FOXR1: variants seen among roughly 807,000 people sequenced by gnomAD.
The protein encoded by FOXR1 is forkhead box protein R1.
FOXR1 carries 25 observed loss-of-function variants against 34.5 expected under a neutral mutation model. That is an observed-to-expected ratio of 0.72 (90% CI 0.53 to 1.01). FOXR1 has a LOEUF of 1.01. FOXR1 is among the 50% of genes least tolerant of loss of function. The pLI is 0.00. For missense variants in FOXR1, 373 were observed against 376.2 expected (o/e 0.99, Z 0.07); for synonymous variants, 153 against 141.6 (o/e 1.08, Z -0.57).
chr11:118,971,846 C>G lies in FOXR1; in HGVS notation c.-86C>G. 1.4e-6 allele frequency: 2 copies of G among 1,460,714 alleles called. No homozygotes were observed. Among genetic ancestry groups the G allele is most frequent in the South Asian group, 2.4e-5 (2 of 82,234 alleles). The allele number at this position is 1,460,714 out of a possible 1,614,324, so 90.5% of individuals were successfully genotyped here. On this transcript the variant is annotated 5_prime_UTR_variant, in exon 1 of 6. Transcript: ENST00000317011. ...CCACTCCGCGCCGCCGCGCCTCTGCCAGCCCCGAAGGTGGACGTGAAGCTC... is the reference window on the plus strand; with the variant it reads ...CCACTCCGCGCCGCCGCGCCTCTGCGAGCCCCGAAGGTGGACGTGAAGCTC...
At chr11:118,980,797 G>GGAA in intron 5 of FOXR1, 69 bp downstream of exon 5, 33 of 1,447,922 alleles carry the variant, frequency 2.3e-5, no homozygotes, top group Non-Finnish European at 3.1e-5. Flanking sequence ...GGCCAAGTGT[G>GGAA]GAAGCCTGGG....
chr11:118,979,370 C>T, intron 3 of FOXR1, 72 bp from the exon 4 acceptor site: 1 of 1,485,000 alleles, frequency 6.7e-7, no homozygotes, highest in Non-Finnish European at 9.0e-7. Flanking sequence ...TAGACCACCC[C>T]CCCTTCCTGC....
chr11:118,973,961 G>C (rs554302339), intron 1 of FOXR1, among the ~76,000 whole-genome samples: 2 of 152,218 alleles, frequency 1.3e-5, no homozygotes, highest in African/African-American at 4.8e-5. Flanking sequence ...GCCTCCTAAA[G>C]TGCTGGGATT....
chr11:118,973,023 T>G (rs1264822173), intron 1 of FOXR1, among the ~76,000 whole-genome samples: 1 of 152,234 alleles, frequency 6.6e-6, no homozygotes, highest in East Asian at 1.9e-4. Context: ...GGTTGCTAAA[T>G]TCAGACCTGA....
intron 1 of FOXR1, among the ~76,000 whole-genome samples, chr11:118,972,687 A>G (rs566802857): frequency 2.5e-4 from 38 of 150,698 alleles, no homozygotes; most frequent in African/African-American, 9.3e-4. Flanking sequence ...CAGTGGCGCG[A>G]TCTCGGCTCA....
At position 118,971,835 on chromosome 11, in the gene FOXR1, C is replaced by T; in HGVS notation, c.-97C>T. The T allele has an allele frequency of 7.3e-7, 1 of 1,377,968 alleles. No homozygotes were observed. The highest frequency in any genetic ancestry group is 1.0e-6 in the Non-Finnish European group (1 of 995,188). The allele number at this position is 1,377,968 out of a possible 1,614,324, so 85.4% of individuals were successfully genotyped here. ...ACTCCGCGTCCCCACTCCGCGCCGCCGCGCCTCTGCCAGCCCCGAAGGTGG... is the reference window on the plus strand; with the variant it reads ...ACTCCGCGTCCCCACTCCGCGCCGCTGCGCCTCTGCCAGCCCCGAAGGTGG... On this transcript the variant is annotated 5_prime_UTR_variant, in exon 1 of 6. Transcript: ENST00000317011.
Position 118,971,854 on chromosome 11 carries a change from A to T in FOXR1, c.-78A>T. On this transcript the variant is annotated 5_prime_UTR_variant, in exon 1 of 6. Coordinates refer to ENST00000317011, the MANE Select transcript of FOXR1 (RefSeq NM_181721.3). ...CGCCGCCGCGCCTCTGCCAGCCCCG[A>T]AGGTGGACGTGAAGCTCCAACACCT... The T allele has an allele frequency of 4.0e-6, 6 of 1,488,078 alleles. No homozygotes were observed. The highest frequency in any genetic ancestry group is 5.5e-6 in the Non-Finnish European group (6 of 1,092,114). 92.2% of individuals were successfully genotyped at this position (1,488,078 alleles called of 1,614,324 possible). A position where few individuals can be genotyped will look rare whatever the true frequency, so the allele number is the denominator to read the frequency against.
intron 5 of FOXR1, 75 bp from the exon 6 acceptor site, chr11:118,981,133 T>C (rs1941857095): frequency 1.0e-5 from 15 of 1,444,398 alleles, no homozygotes; most frequent in Non-Finnish European, 1.4e-5. Context: ...GATGACCTGC[T>C]ATGAGAGAGC....
Position 118,981,224 on chromosome 11 carries a change from CT to C in FOXR1, c.870del (p.Phe290LeufsTer?). On this transcript the variant is annotated frameshift_variant, in exon 6 of 6. Coordinates refer to ENST00000317011, the MANE Select transcript of FOXR1 (RefSeq NM_181721.3). LOFTEE classifies it high-confidence loss of function. ...MSQPDVMPFLFDL is the reference protein window; with the variant it reads ...MSQPDVMPFLXDL Reference sequence around the variant, plus strand: ...TTCTTACAGATGTGATGCCCTTCCTCTTTGATCTTTAACCCCAAGAAGCAAC... The same window carrying C: ...TTCTTACAGATGTGATGCCCTTCCTCTTGATCTTTAACCCCAAGAAGCAAC... The C allele has an allele frequency of 1.9e-6, 3 of 1,614,136 alleles. No homozygotes were observed. The highest frequency in any genetic ancestry group is 2.5e-6 in the Non-Finnish European group (3 of 1,179,996).
At chr11:118,980,813 C>A in intron 5 of FOXR1, 85 bp downstream of exon 5, 1 of 1,296,356 alleles carries the variant, frequency 7.7e-7, no homozygotes, top group South Asian at 1.4e-5. Flanking sequence ...CTGGGTCACA[C>A]CGTGGGGGTG....
At position 118,978,870 on chromosome 11, in the gene FOXR1, T is replaced by C. The variant is rs782066011; in HGVS notation, c.136+14T>C. On this transcript the variant is annotated intron_variant, in intron 2 of 5. Transcript: ENST00000317011. The stretch of plus-strand genomic sequence containing the variant: ...CTGATAAGGATGGTACGTATTGAGT[T>C]CTCTGACCTGTTTCTGTGGCCTGGG... The C allele has an allele frequency of 1.8e-5, 29 of 1,614,082 alleles. No individual in the cohort carries two copies. The highest frequency in any genetic ancestry group is 1.6e-4 in the Middle Eastern group (1 of 6,084).
intron 1 of FOXR1, among the ~76,000 whole-genome samples, chr11:118,972,539 C>G (rs901566999): frequency 6.6e-6 from 1 of 151,954 alleles, no homozygotes; most frequent in Non-Finnish European, 1.5e-5. Flanking sequence ...CTTTGGACGT[C>G]AAGTGTGGAG....
rs1192787640 is a variant in FOXR1 at position 118,971,817 on chromosome 11, G to A, written c.-115G>A. ...CTCAGCCGCCGCGCTCCCACTCCGC[G>A]TCCCCACTCCGCGCCGCCGCGCCTC... On this transcript the variant is annotated 5_prime_UTR_variant, in exon 1 of 6. Coordinates refer to ENST00000317011, the MANE Select transcript of FOXR1 (RefSeq NM_181721.3). 8.6e-7 allele frequency: 1 copy of A among 1,157,248 alleles called. No individual in the cohort carries two copies. Among genetic ancestry groups the A allele is most frequent in the Middle Eastern group, 1.9e-4 (1 of 5,224 alleles). 71.7% of individuals were successfully genotyped at this position (1,157,248 alleles called of 1,614,324 possible). A position where few individuals can be genotyped will look rare whatever the true frequency, so the allele number is the denominator to read the frequency against.
chr11:118,978,896 C>T (rs1447259632), intron 2 of FOXR1, 40 bp downstream of exon 2: 1 of 1,614,066 alleles, frequency 6.2e-7, no homozygotes, highest in African/African-American at 1.3e-5. Flanking sequence ...GTGGCCTGGG[C>T]TGGAGACCAG....
At position 118,980,664 on chromosome 11, in the gene FOXR1, G is replaced by A. The variant is rs188411182; in HGVS notation, c.786G>A (p.Ala262=). The part of the protein sequence containing the change: ...KLTEEGHRRF[A]EEARALASTR... ...CCGAGGAGGGACACCGCCGCTTTGC[G>A]GAGGAGGCCCGCGCCTTGGCTTCCA... The change falls in exon 5 of 6, where the codon GCG becomes GCA. Residue 262 remains alanine, a synonymous_variant. Coordinates refer to ENST00000317011, the MANE Select transcript of FOXR1 (RefSeq NM_181721.3). 147 of 1,613,870 alleles carry A rather than the reference G, an allele frequency of 9.1e-5. No homozygotes were observed. The East Asian group carries it at 1.6e-3, about 17-fold the overall frequency.
intron 1 of FOXR1, among the ~76,000 whole-genome samples, chr11:118,978,369 A>C (rs922184373): frequency 1.3e-5 from 2 of 152,110 alleles, no homozygotes; most frequent in African/African-American, 4.8e-5. Flanking sequence ...AAAATACAAG[A>C]ATACAGGAGG....
rs944139774 is a variant in FOXR1, at chr11:118,972,880, C to T, written c.61+888C>T. Among the ~76,000 whole-genome samples, 7 of 151,502 alleles carry T rather than the reference C, an allele frequency of 4.6e-5. No homozygotes were observed. The South Asian group carries it at 8.3e-4, about 18-fold the overall frequency. On this transcript the variant is annotated intron_variant, in intron 1 of 5. Coordinates refer to ENST00000317011, the MANE Select transcript of FOXR1 (RefSeq NM_181721.3). ...GGGATTACAGGCCTGAGCCACCGCCCCCGGCCTTAACTCTTCCTTTTGCCC... is the reference window on the plus strand; with the variant it reads ...GGGATTACAGGCCTGAGCCACCGCCTCCGGCCTTAACTCTTCCTTTTGCCC...
At chr11:118,975,673 C>CA (rs1343037880) in intron 1 of FOXR1, among the ~76,000 whole-genome samples, 4 of 151,940 alleles carry the variant, frequency 2.6e-5, no homozygotes, top group Non-Finnish European at 5.9e-5. Flanking sequence ...CCAACAAAGA[C>CA]AAAAAATTAG....
chr11:118,980,699 A>G lies in FOXR1; in HGVS notation c.821A>G (p.Glu274Gly), dbSNP rs781968034. Residue 274 changes from glutamate to glycine, a missense_variant, in exon 5 of 6, where the codon GAA becomes GGA. Glu to Gly is a moderately conservative substitution (Grantham distance 98, BLOSUM62 -2). Coordinates refer to ENST00000317011, the MANE Select transcript of FOXR1 (RefSeq NM_181721.3). ...EARALASTRL[E>G]SIQQCMSQPD... ...CGCGCCTTGGCTTCCACTCGGCTAG[A>G]AAGTATCCAACAGTGCATGAGCCAG... 1 of 1,613,640 alleles carries G rather than the reference A, an allele frequency of 6.2e-7. No homozygotes were observed. Among genetic ancestry groups the G allele is most frequent in the Admixed American group, 1.7e-5 (1 of 60,026 alleles).
Sources: gnomAD v4.1 joint callset for allele counts (sites outside exome capture counted in the v4.1 genomes callset) on GRCh38, gnomAD v4.1.1 for gene constraint, MANE v1.5 for transcripts, NCBI Gene and HGNC (gene_info 2026-07-23, HGNC 2026-07-21) for gene names.